Variants in ABI1 observed in about 807,000 individuals in gnomAD.
The protein encoded by ABI1 is abl interactor 1, also known as Abelson interactor 1.
In ABI1, 14 loss-of-function variants were observed where a neutral mutation model predicts 54.6. The ratio of observed to expected loss-of-function variants is 0.26; its 90% CI spans 0.17 to 0.40. The LOEUF is 0.40. ABI1 is among the 10% of genes least tolerant of loss of function. ABI1 has a pLI of 1.00. For synonymous variants in ABI1, 194 were observed against 209.3 expected (o/e 0.93, Z 0.63); for missense variants, 443 against 598.3 (o/e 0.74, Z 2.71).
chr10:26,848,802 T>A (rs568095843), intron 1 of ABI1, among the ~76,000 whole-genome samples: 1 of 152,010 alleles, frequency 6.6e-6, no homozygotes, highest in African/African-American at 2.4e-5. Flanking sequence ...AGAGACGGGA[T>A]TTCACCATGT....
intron 2 of ABI1, among the ~76,000 whole-genome samples, chr10:26,815,183 C>T (rs2047481446): frequency 6.6e-6 from 1 of 151,540 alleles, no homozygotes; most frequent in Admixed American, 6.6e-5. Flanking sequence ...TTTTTAATTC[C>T]CCAATTAAGA....
At chr10:26,820,622 C>T (rs1376919164) in intron 2 of ABI1, among the ~76,000 whole-genome samples, 1 of 145,808 alleles carries the variant, frequency 6.9e-6, no homozygotes, top group African/African-American at 2.6e-5. Context: ...GAGTTTTGCT[C>T]TGTCACCCAG....
intron 6 of ABI1, among the ~76,000 whole-genome samples, chr10:26,767,164 C>T (rs1588800972): frequency 1.3e-5 from 2 of 152,184 alleles, no homozygotes; most frequent in South Asian, 4.1e-4. Flanking sequence ...TATGCTTCCA[C>T]TATAGAGAAA....
intron 2 of ABI1, among the ~76,000 whole-genome samples, chr10:26,784,234 G>T (rs1237993237): frequency 6.6e-6 from 1 of 152,198 alleles, no homozygotes; most frequent in Admixed American, 6.5e-5. Flanking sequence ...TAACTGCACA[G>T]TCTCTCAGAA....
chr10:26,859,773 C>A (rs1335252909), intron 1 of ABI1, among the ~76,000 whole-genome samples: 1 of 152,196 alleles, frequency 6.6e-6, no homozygotes, highest in East Asian at 1.9e-4. Context: ...ATTTACTTAG[C>A]TTGTTAAGAG....
At chr10:26,789,248 T>C (rs984988646) in intron 2 of ABI1, 1 of 152,164 alleles carries the variant, frequency 6.6e-6, no homozygotes, top group Non-Finnish European at 1.5e-5. Flanking sequence ...CAAAGACAAG[T>C]TGTCAATAAA....
rs1469142564 is a variant in ABI1, at chr10:26,795,947, G to C, written c.286-18706C>G. Among the ~76,000 whole-genome samples the C allele has an allele frequency of 2.0e-5, 3 of 152,058 alleles. No homozygotes were observed. In the East Asian group the frequency reaches 5.8e-4, roughly 29 times the overall value. On this transcript the variant is annotated intron_variant, in intron 2 of 10. Transcript: ENST00000376140. Reference sequence around the variant, plus strand: ...TCCTAAATAACCAAGGCAATACGGAGAAACTCCAGCCTGGTGACAGAGTGA... The same window carrying C: ...TCCTAAATAACCAAGGCAATACGGACAAACTCCAGCCTGGTGACAGAGTGA...
chr10:26,781,053 T>G (rs1043028622), intron 2 of ABI1, among the ~76,000 whole-genome samples: 7 of 152,204 alleles, frequency 4.6e-5, no homozygotes, highest in African/African-American at 1.7e-4. Flanking sequence ...ATTAGTAGGT[T>G]TGGGGCCCCA....
rs17754431 is a variant in ABI1, at chr10:26,797,568, T to G, written c.286-20327A>C. Reference sequence around the variant, plus strand: ...AGAAGAGTATCTATATGCCTTTAGCTCAAATGAGATAAGCAGAAACACAGA... The same window carrying G: ...AGAAGAGTATCTATATGCCTTTAGCGCAAATGAGATAAGCAGAAACACAGA... On this transcript the variant is annotated intron_variant, in intron 2 of 10. Transcript: ENST00000376140. Among the ~76,000 whole-genome samples the G allele has an allele frequency of 0.018, 2,708 of 152,058 alleles. 186 individuals are homozygous for G. In the South Asian group the frequency reaches 0.19, roughly 11 times the overall value.
At chr10:26,853,169 A>C (rs2050531855) in intron 1 of ABI1, among the ~76,000 whole-genome samples, 2 of 142,724 alleles carry the variant, frequency 1.4e-5, no homozygotes, top group Admixed American at 1.5e-4. Flanking sequence ...CGGGAGGCGG[A>C]GCTTGCAGTG....
chr10:26,788,591 CA>C (rs1842990415), intron 2 of ABI1, among the ~76,000 whole-genome samples: 1 of 152,142 alleles, frequency 6.6e-6, no homozygotes, highest in South Asian at 2.1e-4. Context: ...AAGAACTCCT[CA>C]AAGCCAGTCT....
At chr10:26,789,013 G>A (rs115926603) in intron 2 of ABI1, 66 of 151,568 alleles carry the variant, frequency 4.4e-4, no homozygotes, top group African/African-American at 1.5e-3. Context: ...AAAAAAAAGT[G>A]GATCCTCATT....
intron 2 of ABI1, among the ~76,000 whole-genome samples, chr10:26,781,644 TACTG>T (rs796130873): frequency 4.9e-4 from 75 of 152,346 alleles, no homozygotes; most frequent in African/African-American, 1.7e-3. Context: ...GTTATATTTT[TACTG>T]ACTATCAGGC....
intron 2 of ABI1, among the ~76,000 whole-genome samples, chr10:26,798,085 G>GA (rs1416542411): frequency 1.3e-5 from 2 of 152,078 alleles, no homozygotes; most frequent in African/African-American, 4.8e-5. Flanking sequence ...GGGAGACTAG[G>GA]AAAAAGAGAG....
chr10:26,835,581 A>G (rs1442379607), intron 1 of ABI1, among the ~76,000 whole-genome samples: 1 of 81,218 alleles, frequency 1.2e-5, no homozygotes, highest in South Asian at 6.7e-4. Context: ...TCTCCAAAGG[A>G]AAAAAAAAAA....
intron 1 of ABI1, among the ~76,000 whole-genome samples, chr10:26,859,566 C>G (rs1048922366): frequency 1.3e-5 from 2 of 152,320 alleles, no homozygotes; most frequent in Non-Finnish European, 2.9e-5. Context: ...CTAGCGCAAA[C>G]TGTTGGTTTA....
chr10:26,834,949 A>G (rs920972280), intron 1 of ABI1, among the ~76,000 whole-genome samples: 4 of 152,002 alleles, frequency 2.6e-5, no homozygotes, highest in Admixed American at 6.6e-5. Context: ...CTAAAAATAC[A>G]AAAATTAGTC....
intron 6 of ABI1, 70 bp downstream of exon 6, chr10:26,768,782 C>A: frequency 2.9e-6 from 4 of 1,402,846 alleles, no homozygotes; most frequent in Non-Finnish European, 3.9e-6. Context: ...CTCAGCACCT[C>A]CATAGGAGTT....
chr10:26,852,466 C>T (rs536217478), intron 1 of ABI1, among the ~76,000 whole-genome samples: 23 of 152,070 alleles, frequency 1.5e-4, no homozygotes, highest in South Asian at 2.1e-4. Context: ...GCAACAAGAA[C>T]GAAACTCTGT....
Sources: allele counts gnomAD v4.1 joint callset (sites outside exome capture counted in the v4.1 genomes callset), GRCh38; gene constraint gnomAD v4.1.1; transcripts MANE v1.5; gene names NCBI Gene and HGNC (gene_info 2026-07-23, HGNC 2026-07-21).